Variants in SGCD observed in about 807,000 individuals in gnomAD.
The protein encoded by SGCD is delta-sarcoglycan.
A neutral mutation model predicts 36.6 loss-of-function variants in SGCD; 18 were observed. That is an observed-to-expected ratio of 0.49 (90% CI 0.34 to 0.73). The LOEUF (loss-of-function observed/expected upper bound fraction) is 0.73. SGCD is among the 30% of genes least tolerant of loss of function. SGCD has a pLI of 0.01. For missense variants in SGCD, 387 were observed against 346.7 expected, an observed-to-expected ratio of 1.12 and a Z score of -0.92; for synonymous variants, 133 against 130.6, an observed-to-expected ratio of 1.02 and a Z score of -0.12.
rs1295791680 is a variant in SGCD, at chr5:156,668,891, A to G, written c.575+21355A>G. On this transcript the variant is annotated intron_variant, in intron 7 of 8. Transcript: ENST00000337851. ...AAAGTCGAAAGCAAAGGGTCATTGC[A>G]TATTTTCAATTGAGACTCTAAGAGG... Among the ~76,000 whole-genome samples the G allele has an allele frequency of 3.3e-5, 5 of 152,276 alleles. No homozygotes were observed. In the East Asian group the frequency reaches 9.7e-4, roughly 29 times the overall value.
intron 3 of SGCD, among the ~76,000 whole-genome samples, chr5:156,198,205 A>G (rs1764065014): frequency 6.6e-6 from 1 of 152,138 alleles, no homozygotes; most frequent in African/African-American, 2.4e-5. Flanking sequence ...ACATTAAAAA[A>G]AGATCTTTTC....
At chr5:155,744,067 C>A in the SGCD span, among the ~76,000 whole-genome samples, 2 of 152,114 alleles carry the variant, frequency 1.3e-5, no homozygotes, top group African/African-American at 4.8e-5. Flanking sequence ...ACATGAAAAC[C>A]AGCCAATATA....
chr5:156,102,192 T>C (rs1312024708), intron 1 of SGCD, among the ~76,000 whole-genome samples: 1 of 152,028 alleles, frequency 6.6e-6, no homozygotes, highest in Non-Finnish European at 1.5e-5. Flanking sequence ...AAAAATATCA[T>C]TGAGGTGTAT....
rs34250962 is a variant in SGCD at position 155,883,793 on chromosome 5, CAAAAAAAAAAAAA to C, written c.-282+13378_-282+13390del. 4.8e-4 allele frequency among the ~76,000 whole-genome samples: 40 copies of C among 83,490 alleles called. 1 individual carries two copies. Among genetic ancestry groups the C allele is most frequent in the African/African-American group, 1.9e-3 (39 of 20,334 alleles). The allele number at this position is 83,490 out of a possible 152,430, so 54.8% of individuals were successfully genotyped here. A position where few individuals can be genotyped will look rare whatever the true frequency, so the allele number is the denominator to read the frequency against. ...AGGGTTACCACAAACCTTCAATTTG[CAAAAAAAAAAAAA>C]AAAAAAAAGAAAAGCACTATTTTGG... On this transcript the variant is annotated intron_variant, in intron 1 of 9. Coordinates refer to the SGCD transcript ENST00000517913.
intron 6 of SGCD, among the ~76,000 whole-genome samples, chr5:156,617,337 A>G (rs189061111): frequency 4.4e-4 from 67 of 152,318 alleles, no homozygotes; most frequent in Non-Finnish European, 7.8e-4. Context: ...ATAGAAAGAG[A>G]AGAGAGAACA....
rs139808720 is a variant in SGCD, at chr5:156,087,501, A to C, written c.-281-30377A>C. ...TAAAAATACAAAAAATTAGCTGGGC[A>C]TGGTGGCATGTGCCTGTAGTTCCAG... On this transcript the variant is annotated intron_variant, in intron 1 of 9. Coordinates refer to the SGCD transcript ENST00000517913. 1.1e-3 allele frequency among the ~76,000 whole-genome samples: 163 copies of C among 152,098 alleles called. 1 individual carries two copies. Among genetic ancestry groups the C allele is most frequent in the African/African-American group, 3.8e-3 (158 of 41,484 alleles).
intron 1 of SGCD, among the ~76,000 whole-genome samples, chr5:155,955,050 C>T (rs1581010206): frequency 6.6e-6 from 1 of 152,150 alleles, no homozygotes; most frequent in African/African-American, 2.4e-5. Flanking sequence ...ATCCTACTTG[C>T]AGGAGGGTCA....
At chr5:155,965,769 A>G (rs1757888786) in intron 1 of SGCD, among the ~76,000 whole-genome samples, 1 of 152,032 alleles carries the variant, frequency 6.6e-6, no homozygotes, top group Non-Finnish European at 1.5e-5. Context: ...CCTTTACTCA[A>G]TAAATACGAA....
the SGCD span, among the ~76,000 whole-genome samples, chr5:155,806,177 C>T: frequency 0.28 from 42,003 of 152,020 alleles, 7,407 homozygotes; most frequent in East Asian, 0.44. Context: ...GGTGTGGGGA[C>T]GGAGTCTCAC....
At chr5:155,806,073 A>G in the SGCD span, among the ~76,000 whole-genome samples, 2 of 152,218 alleles carry the variant, frequency 1.3e-5, no homozygotes, top group African/African-American at 4.8e-5. Context: ...TCAAACTGAC[A>G]AAGACATTCT....
intron 1 of SGCD, among the ~76,000 whole-genome samples, chr5:156,014,929 G>C (rs970348912): frequency 1.3e-5 from 2 of 152,130 alleles, no homozygotes; most frequent in East Asian, 1.9e-4. Flanking sequence ...CCATGTAAGC[G>C]ATGCTATGTT....
At chr5:155,823,365 C>G in the SGCD span, among the ~76,000 whole-genome samples, 1 of 149,542 alleles carries the variant, frequency 6.7e-6, no homozygotes, top group African/African-American at 2.5e-5. Context: ...ACCTTTAGTT[C>G]TATTCAGACT....
intron 4 of SGCD, among the ~76,000 whole-genome samples, chr5:156,580,590 G>T (rs1447079355): frequency 6.6e-6 from 1 of 152,152 alleles, no homozygotes; most frequent in African/African-American, 2.4e-5. Context: ...TGGAGGCTTT[G>T]TTCGTTTCTC....
chr5:155,803,339 G>A, the SGCD span, among the ~76,000 whole-genome samples: 1 of 152,218 alleles, frequency 6.6e-6, no homozygotes, highest in African/African-American at 2.4e-5. Context: ...ACAGGAATGA[G>A]AATACGGGCA....
At chr5:155,962,287 G>A (rs1581014128) in intron 1 of SGCD, among the ~76,000 whole-genome samples, 1 of 152,078 alleles carries the variant, frequency 6.6e-6, no homozygotes, top group South Asian at 2.1e-4. Context: ...CAGAAACTCT[G>A]AAGTTCATAT....
chr5:156,583,555 C>T (rs1760370901), intron 4 of SGCD, among the ~76,000 whole-genome samples: 1 of 152,164 alleles, frequency 6.6e-6, no homozygotes. Flanking sequence ...CTAGCAGATG[C>T]CACAAGGTAA....
chr5:155,791,045 A>G, the SGCD span, among the ~76,000 whole-genome samples: 1 of 152,168 alleles, frequency 6.6e-6, no homozygotes, highest in African/African-American at 2.4e-5. Context: ...AATATGGATA[A>G]TCATTTTTAA....
At chr5:155,856,166 A>G in the SGCD span, among the ~76,000 whole-genome samples, 1 of 151,312 alleles carries the variant, frequency 6.6e-6, no homozygotes, top group Non-Finnish European at 1.5e-5. Context: ...ACACACATAC[A>G]TACATATACA....
chr5:156,750,909 T>C (rs1757127378), intron 7 of SGCD, among the ~76,000 whole-genome samples: 2 of 152,182 alleles, frequency 1.3e-5, no homozygotes, highest in Non-Finnish European at 2.9e-5. Context: ...GGTTAAACTA[T>C]TGAAATACAT....
Sources: allele counts gnomAD v4.1 joint callset (sites outside exome capture counted in the v4.1 genomes callset), GRCh38; gene constraint gnomAD v4.1.1; transcripts MANE v1.5; gene names NCBI Gene and HGNC (gene_info 2026-07-23, HGNC 2026-07-21).